Variants in RNF24 observed in about 807,000 individuals in gnomAD.
RNF24 encodes ring finger protein 24.
Under a neutral mutation model 20.0 loss-of-function variants are expected in RNF24, and 14 were observed. That is an observed-to-expected ratio of 0.70 (90% CI 0.46 to 1.10). The LOEUF (loss-of-function observed/expected upper bound fraction) is 1.10. Among genes scored for constraint, RNF24 ranks in the 50% least tolerant of loss-of-function variants. The pLI, the probability that RNF24 is intolerant of heterozygous loss-of-function variation, is 0.00. For synonymous variants in RNF24, 45 were observed against 61.1 expected (o/e 0.74, Z 1.23); for missense variants, 124 against 177.6 (o/e 0.70, Z 1.71).
At chr20:3,953,467 C>CT (rs58150160) in intron 2 of RNF24, among the ~76,000 whole-genome samples, 9 of 128,388 alleles carry the variant, frequency 7.0e-5, no homozygotes, top group African/African-American at 2.6e-4. Context: ...CACATTCTCT[C>CT]TTTTTTTTTT....
chr20:3,978,597 T>C (rs1177177436), intron 1 of RNF24, among the ~76,000 whole-genome samples: 4 of 152,050 alleles, frequency 2.6e-5, no homozygotes, highest in Admixed American at 2.0e-4. Flanking sequence ...TTTAAATGAT[T>C]CTAAGATATT....
intron 1 of RNF24, among the ~76,000 whole-genome samples, chr20:3,999,526 G>A (rs1272420020): frequency 3.9e-5 from 6 of 152,168 alleles, no homozygotes; most frequent in Non-Finnish European, 7.3e-5. Flanking sequence ...AGGCCGAGGC[G>A]GGCGGATCAG....
chr20:3,938,915 A>AT lies in RNF24; in HGVS notation c.229-3843dup, dbSNP rs951991258. On this transcript the variant is annotated intron_variant, in intron 4 of 5. Coordinates refer to ENST00000358395, the MANE Select transcript of RNF24 (RefSeq NM_001134337.3). The stretch of plus-strand genomic sequence containing the variant: ...AGGCACACATCACGACACCCAACTA[A>AT]TTTTTTTTTTTGTAAGTAGAGATAA... Among the ~76,000 whole-genome samples the AT allele has an allele frequency of 5.6e-4, 82 of 146,820 alleles. 1 individual carries two copies. The highest frequency in any genetic ancestry group is 1.1e-3 in the African/African-American group (45 of 40,186).
At chr20:3,972,502 G>A (rs970984114) in intron 1 of RNF24, among the ~76,000 whole-genome samples, 4 of 152,268 alleles carry the variant, frequency 2.6e-5, no homozygotes, top group Admixed American at 2.6e-4. Context: ...AGGGTAGCAA[G>A]AAAATATCCA....
intron 1 of RNF24, among the ~76,000 whole-genome samples, chr20:3,981,350 T>C (rs1979363425): frequency 6.6e-6 from 1 of 152,076 alleles, no homozygotes; most frequent in South Asian, 2.1e-4. Context: ...TTTATTTGCA[T>C]AGTTTTATGC....
At chr20:3,998,678 C>T (rs1221965831) in intron 1 of RNF24, among the ~76,000 whole-genome samples, 2 of 149,504 alleles carry the variant, frequency 1.3e-5, no homozygotes, top group Non-Finnish European at 3.0e-5. Flanking sequence ...ATTGCTTGAA[C>T]CCAGGAGGCG....
At chr20:4,007,256 T>C (rs1386025325) in intron 1 of RNF24, among the ~76,000 whole-genome samples, 1 of 152,184 alleles carries the variant, frequency 6.6e-6, no homozygotes, top group Non-Finnish European at 1.5e-5. Context: ...AAACAGACTA[T>C]TTAACATGCA....
At position 3,988,627 on chromosome 20, in the gene RNF24, T is replaced by A. The variant is rs1218477978; in HGVS notation, c.-7-24603A>T. Among the ~76,000 whole-genome samples, 3 of 151,988 alleles carry A rather than the reference T, an allele frequency of 2.0e-5. 1 individual carries two copies. Among genetic ancestry groups the A allele is most frequent in the Non-Finnish European group, 4.4e-5 (3 of 67,992 alleles). ...GGCATGGACCATGAAGTCCAGCTAA[T>A]TTTTTTATTTTTATAGAGATGGGGT... is the stretch of plus-strand genomic sequence containing the variant. On this transcript the variant is annotated intron_variant, in intron 1 of 5. Coordinates refer to ENST00000358395, the MANE Select transcript of RNF24 (RefSeq NM_001134337.3).
intron 1 of RNF24, among the ~76,000 whole-genome samples, chr20:3,983,938 C>G (rs1355438826): frequency 8.5e-5 from 3 of 35,464 alleles, no homozygotes; most frequent in African/African-American, 3.8e-4. Flanking sequence ...GAGACTTGGT[C>G]TCAAAAAAAA....
rs2090838607 is a variant in RNF24, at chr20:3,932,665, C to G, written c.*1398G>C. 8.2e-6 allele frequency: 3 copies of G among 363,736 alleles called. No homozygotes were observed. Among genetic ancestry groups the G allele is most frequent in the African/African-American group, 6.2e-5 (3 of 48,168 alleles). 22.5% of individuals were successfully genotyped at this position (363,736 alleles called of 1,614,324 possible). A position where few individuals can be genotyped will look rare whatever the true frequency, so the allele number is the denominator to read the frequency against. ...TGTATTCCTAATGAAAAACTTCCCC[C>G]ACTCACACCTGTGGGATGGAGTGGA... On this transcript the variant is annotated 3_prime_UTR_variant, in exon 6 of 6. Transcript: ENST00000358395.
intron 1 of RNF24, among the ~76,000 whole-genome samples, chr20:4,004,494 CTTTA>C (rs1981681053): frequency 6.6e-6 from 1 of 151,520 alleles, no homozygotes; most frequent in East Asian, 1.9e-4. Context: ...TTTGAACCGA[CTTTA>C]TTTAAGAAAA....
chr20:3,938,465 C>T (rs2090918189), intron 4 of RNF24, among the ~76,000 whole-genome samples: 1 of 152,088 alleles, frequency 6.6e-6, no homozygotes, highest in Non-Finnish European at 1.5e-5. Flanking sequence ...CTAAGCACAA[C>T]CAAAGCACAA....
chr20:3,958,881 A>C (rs1207425610), intron 2 of RNF24, among the ~76,000 whole-genome samples: 1 of 152,200 alleles, frequency 6.6e-6, no homozygotes, highest in Non-Finnish European at 1.5e-5. Context: ...ACCTCAGGTG[A>C]TCCACCTAGC....
At chr20:3,993,545 C>T (rs1037208515) in intron 1 of RNF24, among the ~76,000 whole-genome samples, 3 of 152,308 alleles carry the variant, frequency 2.0e-5, no homozygotes, top group Admixed American at 2.0e-4. Context: ...CTTCAGCCTC[C>T]CAAAGTGCTG....
chr20:4,007,472 G>C (rs1005281537), intron 1 of RNF24, among the ~76,000 whole-genome samples: 1 of 151,996 alleles, frequency 6.6e-6, no homozygotes, highest in South Asian at 2.1e-4. Context: ...ATGATATATT[G>C]GGTGTTTTTA....
intron 1 of RNF24, among the ~76,000 whole-genome samples, chr20:3,966,004 C>T (rs1349844408): frequency 6.6e-6 from 1 of 151,818 alleles, no homozygotes; most frequent in Non-Finnish European, 1.5e-5. Context: ...CGTGGTGGCA[C>T]ACACTTGTAA....
At chr20:3,982,086 C>G (rs1979439538) in intron 1 of RNF24, among the ~76,000 whole-genome samples, 1 of 127,976 alleles carries the variant, frequency 7.8e-6, no homozygotes, top group South Asian at 2.4e-4. Flanking sequence ...CCAGCCTGGG[C>G]AACAGGGTGA....
intron 3 of RNF24, among the ~76,000 whole-genome samples, chr20:3,947,099 G>T (rs1260172925): frequency 6.6e-6 from 1 of 152,160 alleles, no homozygotes. Context: ...GGAGGCTGAG[G>T]CAGGAGATCA....
At chr20:3,954,043 A>T (rs2091113518) in intron 2 of RNF24, among the ~76,000 whole-genome samples, 1 of 152,144 alleles carries the variant, frequency 6.6e-6, no homozygotes, top group Admixed American at 6.5e-5. Flanking sequence ...GGAGTGAGCC[A>T]CCATGCCCGG....
Sources: gnomAD v4.1 joint callset for allele counts (sites outside exome capture counted in the v4.1 genomes callset) on GRCh38, gnomAD v4.1.1 for gene constraint, MANE v1.5 for transcripts, NCBI Gene and HGNC (gene_info 2026-07-23, HGNC 2026-07-21) for gene names.